The following NMNAT1 variants were observed in gnomAD, a reference collection of about 807,000 sequenced individuals.
NMNAT1 encodes the protein nicotinamide nucleotide adenylyltransferase 1, also known as nicotinamide/nicotinic acid mononucleotide adenylyltransferase 1.
In NMNAT1, 11 loss-of-function variants were observed where a neutral mutation model predicts 16.7. That is an observed-to-expected ratio of 0.66 (90% CI 0.41 to 1.09). The LOEUF (loss-of-function observed/expected upper bound fraction) is 1.09. Among genes scored for constraint, NMNAT1 ranks in the 50% least tolerant of loss-of-function variants. The pLI is 0.00. For missense variants in NMNAT1, 280 were observed against 332.3 expected (o/e 0.84, Z 1.22); for synonymous variants, 110 against 119.8 (o/e 0.92, Z 0.53).
Position 9,980,908 on chromosome 1 carries a change from G to A in NMNAT1, c.300-123G>A, listed in dbSNP as rs1217087865. ...TCTGACCTCGTGATCCGCCCACCTC[G>A]GCCTCCCAAAGTGCTGGGATTACAG... On this transcript the variant is annotated intron_variant, in intron 3 of 4. Transcript: ENST00000377205. 89 of 997,838 alleles carry A rather than the reference G, an allele frequency of 8.9e-5. 1 individual carries two copies. The Admixed American group carries it at 9.6e-4, about 11-fold the overall frequency. The allele number at this position is 997,838 out of a possible 1,614,324, so 61.8% of individuals were successfully genotyped here. A position where few individuals can be genotyped will look rare whatever the true frequency, so the allele number is the denominator to read the frequency against.
At position 9,961,823 on chromosome 1, in the gene NMNAT1, G is replaced by A. The variant is rs191798318; in HGVS notation, c.-56-10195G>A. On this transcript the variant is annotated intron_variant, in intron 1 of 4. Transcript: ENST00000377205. ...TTTTGCTCTTGTTGCCCAGGTTGGA[G>A]TGCAATGGCATGATCTCGGCTCGCC... Among the ~76,000 whole-genome samples, 112 of 152,132 alleles carry A rather than the reference G, an allele frequency of 7.4e-4. 1 individual carries two copies. The highest frequency in any genetic ancestry group is 2.4e-3 in the African/African-American group (99 of 41,514).
In NMNAT1 at chr1:9,972,270, G is replaced by A. The variant is rs571757820; in HGVS notation, c.115+82G>A. On this transcript the variant is annotated intron_variant, in intron 2 of 4. Transcript: ENST00000377205. ...TCACACCTGCAATCCCAGCATTTTG[G>A]GAGGCTGAGACGGGCAGATCACAAG... is the stretch of plus-strand genomic sequence containing the variant. 3.3e-5 allele frequency: 25 copies of A among 753,102 alleles called. No individual in the cohort carries two copies. The South Asian group carries it at 3.6e-4, about 11-fold the overall frequency. The allele number at this position is 753,102 out of a possible 1,614,324, so 46.7% of individuals were successfully genotyped here.
intron 1 of NMNAT1, among the ~76,000 whole-genome samples, chr1:9,963,717 C>A (rs2101673661): frequency 6.6e-6 from 1 of 151,742 alleles, no homozygotes; most frequent in African/African-American, 2.4e-5. Flanking sequence ...CCCATTATTT[C>A]TTTTTTGAGA....
intron 3 of NMNAT1, among the ~76,000 whole-genome samples, chr1:9,980,097 A>C (rs577031100): frequency 4.0e-5 from 6 of 151,380 alleles, no homozygotes; most frequent in Non-Finnish European, 5.9e-5. Flanking sequence ...ACACCCGGCT[A>C]ATTTTCTATT....
At chr1:9,991,439 G>A in the NMNAT1 span, among the ~76,000 whole-genome samples, 1 of 152,042 alleles carries the variant, frequency 6.6e-6, no homozygotes, top group Non-Finnish European at 1.5e-5. Context: ...CAAAGTGCTG[G>A]GATTACAGGC....
In NMNAT1 at chr1:9,982,282, T is replaced by C; in HGVS notation, c.440-19T>C. 1 of 1,590,358 alleles carries C rather than the reference T, an allele frequency of 6.3e-7. No individual in the cohort carries two copies. The highest frequency in any genetic ancestry group is 8.6e-7 in the Non-Finnish European group (1 of 1,167,908). On this transcript the variant is annotated intron_variant, in intron 4 of 4. Transcript: ENST00000377205. Reference sequence around the variant, plus strand: ...GGGAAGAAAAAGCATACCCCAAAGCTCTGTTTTATTCTTCCCAGCTGTGCC... The same window carrying C: ...GGGAAGAAAAAGCATACCCCAAAGCCCTGTTTTATTCTTCCCAGCTGTGCC...
At chr1:9,971,514 A>T (rs553516653) in intron 1 of NMNAT1, among the ~76,000 whole-genome samples, 1 of 151,994 alleles carries the variant, frequency 6.6e-6, no homozygotes, top group Non-Finnish European at 1.5e-5. Flanking sequence ...AGGTTTTACC[A>T]TGTTGGCCAG....
chr1:9,977,640 G>A (rs567113587), intron 3 of NMNAT1, among the ~76,000 whole-genome samples: 290 of 152,166 alleles, frequency 1.9e-3, no homozygotes, highest in African/African-American at 6.6e-3. Context: ...GCTGAGGCCG[G>A]CAGATCACCT....
At chr1:9,976,980 C>T (rs796412292) in intron 3 of NMNAT1, among the ~76,000 whole-genome samples, 3 of 151,430 alleles carry the variant, frequency 2.0e-5, no homozygotes, top group African/African-American at 7.3e-5. Flanking sequence ...GATCTTGGCT[C>T]ACTGCAACCT....
chr1:9,995,089 G>A, the NMNAT1 span, among the ~76,000 whole-genome samples: 2 of 151,632 alleles, frequency 1.3e-5, no homozygotes, highest in Non-Finnish European at 2.9e-5. Context: ...TCATGGGAGA[G>A]GTCATAAATT....
At chr1:9,948,567 C>G (rs1416293069) in intron 1 of NMNAT1, among the ~76,000 whole-genome samples, 1 of 152,034 alleles carries the variant, frequency 6.6e-6, no homozygotes, top group Non-Finnish European at 1.5e-5. Context: ...GAGCGAGACC[C>G]TGTCTCAAAA....
chr1:9,973,110 T>TTTTC (rs1200287326), intron 2 of NMNAT1, among the ~76,000 whole-genome samples: 1 of 152,134 alleles, frequency 6.6e-6, no homozygotes, highest in Non-Finnish European at 1.5e-5. Flanking sequence ...AAGTTTTCTT[T>TTTTC]TTTCTTTCTT....
chr1:9,945,266 AAAAT>A (rs550807252), intron 1 of NMNAT1, among the ~76,000 whole-genome samples: 76 of 152,286 alleles, frequency 5.0e-4, no homozygotes, highest in Non-Finnish European at 1.0e-3. Flanking sequence ...AAAGAAGAAA[AAAAT>A]AAAAGTACCT....
At chr1:9,943,618 C>T (rs1640880792) in intron 1 of NMNAT1, 103 bp downstream of exon 1, 1 of 152,040 alleles carries the variant, frequency 6.6e-6, no homozygotes, top group African/African-American at 2.4e-5. Context: ...GAATATGACC[C>T]GAGGCAAGCT....
intron 1 of NMNAT1, among the ~76,000 whole-genome samples, chr1:9,969,540 C>A (rs1641641711): frequency 1.3e-5 from 2 of 152,036 alleles, no homozygotes. Flanking sequence ...TCACTTGAGG[C>A]CAGGAGTTCG....
chr1:9,955,124 T>G (rs528770443), intron 1 of NMNAT1, among the ~76,000 whole-genome samples: 1 of 149,702 alleles, frequency 6.7e-6, no homozygotes, highest in East Asian at 2.0e-4. Flanking sequence ...ATCTCTAAGC[T>G]GGGCGCGGTG....
downstream of NMNAT1, among the ~76,000 whole-genome samples, chr1:9,989,518 G>A (rs1026969129): frequency 6.6e-6 from 1 of 151,958 alleles, no homozygotes; most frequent in African/African-American, 2.4e-5. Flanking sequence ...TGGAGACTAC[G>A]GTTGGACGGC....
intron 3 of NMNAT1, among the ~76,000 whole-genome samples, chr1:9,977,198 G>A (rs1344357112): frequency 2.6e-5 from 4 of 151,942 alleles, no homozygotes; most frequent in South Asian, 2.1e-4. Flanking sequence ...GTGAGCCACC[G>A]CACCTGGCTG....
At chr1:9,945,488 C>T (rs1436828127) in intron 1 of NMNAT1, among the ~76,000 whole-genome samples, 2 of 152,074 alleles carry the variant, frequency 1.3e-5, no homozygotes, top group Non-Finnish European at 2.9e-5. Flanking sequence ...ATCACGAGGT[C>T]AGGAGTTTGA....
Sources: allele counts gnomAD v4.1 joint callset (sites outside exome capture counted in the v4.1 genomes callset), GRCh38; gene constraint gnomAD v4.1.1; transcripts MANE v1.5; gene names NCBI Gene and HGNC (gene_info 2026-07-23, HGNC 2026-07-21).